DCDC1: variants seen among roughly 807,000 people sequenced by gnomAD.
DCDC1 encodes the protein doublecortin domain containing 1, also known as doublecortin domain-containing protein 1.
DCDC1 carries 200 observed loss-of-function variants against 178.3 expected under a neutral mutation model. That is an observed-to-expected ratio of 1.12 (90% CI 1.00 to 1.26). The LOEUF is 1.26. DCDC1 is among the 50% of genes most tolerant of loss of function. The pLI, the probability that DCDC1 is intolerant of heterozygous loss-of-function variation, is 0.00. For synonymous variants in DCDC1, 690 were observed against 604.8 expected (o/e 1.14, Z -2.07); for missense variants, 1,983 against 1,749.2 (o/e 1.13, Z -2.38).
chr11:31,160,850 T>C (rs1966253566), intron 9 of DCDC1, among the ~76,000 whole-genome samples: 1 of 152,202 alleles, frequency 6.6e-6, no homozygotes, highest in Admixed American at 6.5e-5. Flanking sequence ...TGCTCTTGAA[T>C]TAACAAAGCC....
At chr11:31,099,122 G>C (rs1367631468) in intron 15 of DCDC1, among the ~76,000 whole-genome samples, 1 of 152,138 alleles carries the variant, frequency 6.6e-6, no homozygotes, top group Admixed American at 6.5e-5. Flanking sequence ...CTCCTTTGAG[G>C]TCCTTTTCTC....
chr11:30,915,806 A>G, intron 26 of DCDC1, 95 bp from the exon 27 acceptor site: 3 of 1,275,374 alleles, frequency 2.4e-6, no homozygotes, highest in Non-Finnish European at 3.3e-6. Flanking sequence ...TGTTGGTGAG[A>G]GCTCCAACGT....
At chr11:31,038,283 C>A (rs145679891) in intron 20 of DCDC1, among the ~76,000 whole-genome samples, 2 of 151,624 alleles carry the variant, frequency 1.3e-5, no homozygotes, top group Non-Finnish European at 2.9e-5. Context: ...CATATCAGAA[C>A]GAAGCATTTG....
At chr11:31,058,320 C>T (rs991527630) in intron 20 of DCDC1, among the ~76,000 whole-genome samples, 5 of 152,078 alleles carry the variant, frequency 3.3e-5, no homozygotes, top group African/African-American at 4.8e-5. Flanking sequence ...ATTCATTCAG[C>T]GACTTTGTAT....
chr11:31,369,118 C>A (rs1056122286), intron 1 of DCDC1, among the ~76,000 whole-genome samples: 17 of 152,022 alleles, frequency 1.1e-4, no homozygotes, highest in African/African-American at 3.9e-4. Flanking sequence ...CTTGTTCTGC[C>A]CCTACCCAAC....
intron 9 of DCDC1, among the ~76,000 whole-genome samples, chr11:31,203,355 C>T (rs1398062815): frequency 1.3e-5 from 2 of 152,054 alleles, no homozygotes; most frequent in Admixed American, 6.5e-5. Flanking sequence ...TCCAGTCACC[C>T]CCTAGAACTG....
chr11:30,920,696 G>C, intron 25 of DCDC1, 80 bp downstream of exon 25: 3 of 1,517,766 alleles, frequency 2.0e-6, no homozygotes, highest in Non-Finnish European at 1.8e-6. Context: ...CTCCCTGCAT[G>C]GGCTCTGTGC....
At chr11:31,019,645 A>G (rs1952736170) in intron 20 of DCDC1, among the ~76,000 whole-genome samples, 1 of 152,192 alleles carries the variant, frequency 6.6e-6, no homozygotes, top group Non-Finnish European at 1.5e-5. Flanking sequence ...AAAAATTAAA[A>G]TTAGATCATG....
chr11:31,049,136 T>A (rs1468895195), intron 20 of DCDC1, among the ~76,000 whole-genome samples: 3 of 152,220 alleles, frequency 2.0e-5, no homozygotes, highest in Non-Finnish European at 2.9e-5. Context: ...TGACTTTTGT[T>A]TGTGCAAAGA....
chr11:31,312,365 G>A (rs969873051), intron 3 of DCDC1, among the ~76,000 whole-genome samples: 3 of 152,006 alleles, frequency 2.0e-5, no homozygotes, highest in Admixed American at 6.5e-5. Context: ...AAGGGCTTAC[G>A]GTATTTGAAC....
chr11:31,253,420 G>A (rs1414009898), intron 8 of DCDC1, among the ~76,000 whole-genome samples: 1 of 149,198 alleles, frequency 6.7e-6, no homozygotes, highest in Non-Finnish European at 1.5e-5. Context: ...GCAGTGGCAC[G>A]ATCTCGGCTC....
At chr11:31,141,324 A>G (rs965601484) in intron 9 of DCDC1, among the ~76,000 whole-genome samples, 2 of 152,204 alleles carry the variant, frequency 1.3e-5, no homozygotes, top group Non-Finnish European at 1.5e-5. Flanking sequence ...GTGTCTACCT[A>G]ATTCATATTG....
chr11:31,188,050 G>A (rs1231601854), intron 9 of DCDC1, among the ~76,000 whole-genome samples: 3 of 151,960 alleles, frequency 2.0e-5, no homozygotes, highest in African/African-American at 2.4e-5. Context: ...GGAAGGATTC[G>A]AACCTCTGAG....
In DCDC1 at chr11:30,952,558, T is replaced by C; in HGVS notation, c.2602A>G (p.Lys868Glu). 7.2e-7 allele frequency: 1 copy of C among 1,394,754 alleles called. No individual in the cohort carries two copies. Among genetic ancestry groups the C allele is most frequent in the Non-Finnish European group, 9.9e-7 (1 of 1,005,528 alleles). 86.4% of individuals were successfully genotyped at this position (1,394,754 alleles called of 1,614,324 possible). The change falls in exon 21 of 39, where the codon AAA (lysine) becomes GAA (glutamate). Residue 868 changes from lysine to glutamate, a missense_variant. By Grantham distance (56) the Lys-to-Glu change is moderately conservative (BLOSUM62 1). Transcript: ENST00000684477. ...CCTGGCTTACTGGTTCCTTCATGTT[T>C]TATGGCCCACCTAAAACAAAAGATA... ...PKASAQRWAI[K>E]HEGTSKPGQW...
chr11:31,108,948 A>G (rs1227848826), intron 12 of DCDC1, among the ~76,000 whole-genome samples: 1 of 152,138 alleles, frequency 6.6e-6, no homozygotes, highest in Non-Finnish European at 1.5e-5. Context: ...ACACGTGTCC[A>G]CACAAGGGAG....
intron 1 of DCDC1, 60 bp from the exon 2 acceptor site, chr11:31,335,624 G>T (rs1291220109): frequency 6.6e-6 from 1 of 152,142 alleles, no homozygotes; most frequent in East Asian, 1.9e-4. Flanking sequence ...AAAACAATGT[G>T]CCCATAAGAA....
In DCDC1 at chr11:31,077,853, T is replaced by C. The variant is rs746546972; in HGVS notation, c.2298+12A>G. 1 of 765,856 alleles carries C rather than the reference T, an allele frequency of 1.3e-6. No individual in the cohort carries two copies. The allele number at this position is 765,856 out of a possible 1,614,324, so 47.4% of individuals were successfully genotyped here. A position where few individuals can be genotyped will look rare whatever the true frequency, so the allele number is the denominator to read the frequency against. The stretch of plus-strand genomic sequence containing the variant: ...ACTTAGGCATAAAAGCTGTGGATTA[T>C]AAAGTCCTTACCTTTGAATAAATGC... On this transcript the variant is annotated intron_variant, in intron 18 of 38. Coordinates refer to ENST00000684477, the MANE Select transcript of DCDC1 (RefSeq NM_001387274.1).
intron 20 of DCDC1, among the ~76,000 whole-genome samples, chr11:30,987,382 A>C (rs1950714030): frequency 6.6e-6 from 1 of 152,158 alleles, no homozygotes; most frequent in Non-Finnish European, 1.5e-5. Flanking sequence ...AACATTTCTT[A>C]ATTATCTACA....
At chr11:30,934,305 T>C (rs1338569836) in intron 21 of DCDC1, among the ~76,000 whole-genome samples, 1 of 152,200 alleles carries the variant, frequency 6.6e-6, no homozygotes, top group East Asian at 1.9e-4. Context: ...GGTGGCCATG[T>C]GTATTTTCAG....
Sources: gnomAD v4.1 joint callset for allele counts (sites outside exome capture counted in the v4.1 genomes callset) on GRCh38, gnomAD v4.1.1 for gene constraint, MANE v1.5 for transcripts, NCBI Gene and HGNC (gene_info 2026-07-23, HGNC 2026-07-21) for gene names.